The following CYTH3 variants were observed in gnomAD, a reference collection of about 807,000 sequenced individuals.
CYTH3 encodes cytohesin 3, also known as cytohesin-3.
CYTH3 carries 23 observed loss-of-function variants against 55.1 expected under a neutral mutation model. The observed-to-expected ratio is 0.42, with a 90% CI of 0.30 to 0.59. The LOEUF (loss-of-function observed/expected upper bound fraction) is 0.59, where lower values mean the gene tolerates loss of function less well. Among genes scored for constraint, CYTH3 ranks in the 20% least tolerant of loss-of-function variants. The pLI is 0.20. For synonymous variants in CYTH3, 249 were observed against 194.9 expected, an observed-to-expected ratio of 1.28 and a Z score of -2.31; for missense variants, 413 against 524.8, an observed-to-expected ratio of 0.79 and a Z score of 2.08.
chr7:6,203,819 C>T (rs1203042933), intron 1 of CYTH3, among the ~76,000 whole-genome samples: 1 of 151,854 alleles, frequency 6.6e-6, no homozygotes, highest in East Asian at 1.9e-4. Flanking sequence ...CCTGGGTTCA[C>T]ACCATTCTCC....
intron 2 of CYTH3, among the ~76,000 whole-genome samples, chr7:6,190,203 G>C (rs1380506919): frequency 6.6e-6 from 1 of 152,234 alleles, no homozygotes; most frequent in African/African-American, 2.4e-5. Flanking sequence ...TCAGTTCTAC[G>C]ATGTCTTGAT....
chr7:6,246,317 C>T (rs1413168556), intron 1 of CYTH3, among the ~76,000 whole-genome samples: 1 of 151,944 alleles, frequency 6.6e-6, no homozygotes, highest in Non-Finnish European at 1.5e-5. Context: ...GTTCCTCCCG[C>T]CTCAACTCCC....
At chr7:6,252,396 A>G (rs555080351) in intron 1 of CYTH3, among the ~76,000 whole-genome samples, 1 of 152,212 alleles carries the variant, frequency 6.6e-6, no homozygotes, top group Non-Finnish European at 1.5e-5. Context: ...TGGCGTGTAC[A>G]TAATTAAAAG....
chr7:6,190,342 T>A, intron 2 of CYTH3, 107 bp downstream of exon 2: 1 of 956,200 alleles, frequency 1.0e-6, no homozygotes, highest in Non-Finnish European at 1.5e-6. Flanking sequence ...TTTTTTGTTT[T>A]TGGGTTTTTT....
At position 6,211,135 on chromosome 7, in the gene CYTH3, A is replaced by T. The variant is rs548452243; in HGVS notation, c.35-20604T>A. ...ATAGTGCCCTCCCTGATCCGACCCC[A>T]TCTGCCACTGGGGCACCATCCCCTC... On this transcript the variant is annotated intron_variant, in intron 1 of 12. Coordinates refer to ENST00000350796, the MANE Select transcript of CYTH3 (RefSeq NM_004227.4). Among the ~76,000 whole-genome samples the T allele has an allele frequency of 2.4e-3, 366 of 152,222 alleles. 2 individuals carry two copies. The highest frequency in any genetic ancestry group is 4.4e-3 in the Non-Finnish European group (296 of 67,994).
At chr7:6,250,135 T>C (rs1445722892) in intron 1 of CYTH3, among the ~76,000 whole-genome samples, 1 of 152,174 alleles carries the variant, frequency 6.6e-6, no homozygotes, top group Non-Finnish European at 1.5e-5. Flanking sequence ...AGTAGACTCT[T>C]CACGCTTCTG....
intron 1 of CYTH3, among the ~76,000 whole-genome samples, chr7:6,225,379 G>C (rs1488562179): frequency 1.3e-5 from 2 of 150,508 alleles, no homozygotes; most frequent in African/African-American, 4.9e-5. Flanking sequence ...TTGAGACAGA[G>C]TTTCACTCTT....
intron 1 of CYTH3, among the ~76,000 whole-genome samples, chr7:6,271,172 C>T (rs1056284154): frequency 6.6e-6 from 1 of 152,184 alleles, no homozygotes; most frequent in Non-Finnish European, 1.5e-5. Context: ...AACACACCCA[C>T]TCGGTGCCAC....
intron 1 of CYTH3, among the ~76,000 whole-genome samples, chr7:6,234,682 G>A (rs1175227680): frequency 6.6e-6 from 1 of 152,140 alleles, no homozygotes; most frequent in Admixed American, 6.5e-5. Flanking sequence ...GTGCACGAGT[G>A]CAAACTGGGA....
intron 1 of CYTH3, among the ~76,000 whole-genome samples, chr7:6,213,054 CTTA>C (rs1162294830): frequency 1.3e-5 from 2 of 152,214 alleles, no homozygotes; most frequent in Admixed American, 6.5e-5. Flanking sequence ...ATCCCGCTGA[CTTA>C]TTGTTTAGTT....
chr7:6,193,236 G>GC (rs1464734406), intron 1 of CYTH3, among the ~76,000 whole-genome samples: 1 of 151,430 alleles, frequency 6.6e-6, no homozygotes, highest in East Asian at 1.9e-4. Flanking sequence ...TAATATGAAT[G>GC]GGCTGATAAA....
At chr7:6,183,659 G>A (rs890870293) in intron 4 of CYTH3, among the ~76,000 whole-genome samples, 4 of 152,144 alleles carry the variant, frequency 2.6e-5, no homozygotes, top group African/African-American at 9.7e-5. Flanking sequence ...TAGGGGCATG[G>A]GGAGGTAGAT....
At chr7:6,245,206 T>C (rs527605407) in intron 1 of CYTH3, among the ~76,000 whole-genome samples, 2 of 151,890 alleles carry the variant, frequency 1.3e-5, no homozygotes, top group Admixed American at 6.6e-5. Flanking sequence ...AAGTGTAAGG[T>C]TGTGTGCCAA....
chr7:6,245,776 C>A (rs911073143), intron 1 of CYTH3, among the ~76,000 whole-genome samples: 1 of 152,172 alleles, frequency 6.6e-6, no homozygotes, highest in East Asian at 1.9e-4. Flanking sequence ...TGGTAGTGCA[C>A]GCCTGTAATC....
chr7:6,241,403 G>A (rs565514659), intron 1 of CYTH3, among the ~76,000 whole-genome samples: 2 of 152,286 alleles, frequency 1.3e-5, no homozygotes, highest in Admixed American at 6.5e-5. Context: ...GCAAAAATCC[G>A]AAAGTTTGAC....
In CYTH3 at chr7:6,163,756, G is replaced by C. The variant is rs569690029; in HGVS notation, c.*1188C>G. 14 of 152,320 alleles carry C rather than the reference G, an allele frequency of 9.2e-5. No individual in the cohort carries two copies. Among genetic ancestry groups the C allele is most frequent in the South Asian group, 2.1e-4 (1 of 4,824 alleles). The allele number at this position is 152,320 out of a possible 1,614,324, so 9.4% of individuals were successfully genotyped here. On this transcript the variant is annotated 3_prime_UTR_variant, in exon 13 of 13. Coordinates refer to ENST00000350796, the MANE Select transcript of CYTH3 (RefSeq NM_004227.4). Reference sequence around the variant, plus strand: ...AGGGAGGGCACCTCTCTCAGGACACGGCGCACTACATGGGGTGAGACTGTT... The same window carrying C: ...AGGGAGGGCACCTCTCTCAGGACACCGCGCACTACATGGGGTGAGACTGTT...
chr7:6,252,283 T>C (rs1436284484), intron 1 of CYTH3, among the ~76,000 whole-genome samples: 3 of 152,234 alleles, frequency 2.0e-5, no homozygotes, highest in African/African-American at 7.2e-5. Flanking sequence ...ATCTTTGCCC[T>C]ATTTTACAAG....
intron 1 of CYTH3, among the ~76,000 whole-genome samples, chr7:6,256,539 G>GT (rs548093646): frequency 2.2e-3 from 328 of 152,324 alleles, no homozygotes; most frequent in African/African-American, 6.7e-3. Context: ...ATCATAATAG[G>GT]TAATACTTGA....
At chr7:6,247,613 T>G (rs886365522) in intron 1 of CYTH3, among the ~76,000 whole-genome samples, 4 of 152,188 alleles carry the variant, frequency 2.6e-5, no homozygotes, top group African/African-American at 9.7e-5. Context: ...TTACTGTCAT[T>G]ACAGTTTCTT....
Sources: gnomAD v4.1 joint callset for allele counts (sites outside exome capture counted in the v4.1 genomes callset) on GRCh38, gnomAD v4.1.1 for gene constraint, MANE v1.5 for transcripts, NCBI Gene and HGNC (gene_info 2026-07-23, HGNC 2026-07-21) for gene names.